The following DECR1 variants were observed in gnomAD, a reference collection of about 807,000 sequenced individuals.
DECR1 encodes the protein 2,4-dienoyl-CoA reductase 1.
Under a neutral mutation model 38.8 loss-of-function variants are expected in DECR1, and 44 were observed. That is an observed-to-expected ratio of 1.13 (90% CI 0.89 to 1.46). The LOEUF is 1.46. Among genes scored for constraint, DECR1 ranks in the 40% most tolerant of loss-of-function variants. DECR1 has a pLI of 0.00. For synonymous variants in DECR1, 148 were observed against 135.2 expected, an observed-to-expected ratio of 1.09 and a Z score of -0.66; for missense variants, 428 against 405.5, an observed-to-expected ratio of 1.06 and a Z score of -0.48.
chr8:90,001,865 C>T (rs1812621528), intron 1 of DECR1, among the ~76,000 whole-genome samples: 5 of 150,876 alleles, frequency 3.3e-5, no homozygotes, highest in Admixed American at 6.6e-5. Context: ...AGAGAGAGGA[C>T]AGGACGTCTC....
chr8:90,010,464 C>G (rs1287975088), intron 1 of DECR1, among the ~76,000 whole-genome samples: 2 of 152,204 alleles, frequency 1.3e-5, no homozygotes, highest in Non-Finnish European at 2.9e-5. Flanking sequence ...AGAATGCACG[C>G]ATGGCCTTCT....
At chr8:90,038,454 C>CTTT (rs759045189) in intron 6 of DECR1, among the ~76,000 whole-genome samples, 75 of 111,714 alleles carry the variant, frequency 6.7e-4, no homozygotes, top group African/African-American at 8.1e-4. Context: ...CATCGCGGGC[C>CTTT]TTTTTTTTTT....
chr8:90,030,347 G>C (rs944084497), intron 5 of DECR1: 1 of 152,176 alleles, frequency 6.6e-6, no homozygotes, highest in Non-Finnish European at 1.5e-5. Flanking sequence ...GTTTCATGTT[G>C]TAAGTCTCCT....
At chr8:90,031,585 T>C (rs931877544) in intron 5 of DECR1, among the ~76,000 whole-genome samples, 1 of 152,172 alleles carries the variant, frequency 6.6e-6, no homozygotes, top group Non-Finnish European at 1.5e-5. Context: ...TAGTCCTATT[T>C]TGAGTAGCTT....
chr8:90,048,986 A>G (rs912022437), intron 8 of DECR1, among the ~76,000 whole-genome samples: 3 of 152,228 alleles, frequency 2.0e-5, no homozygotes, highest in Non-Finnish European at 4.4e-5. Context: ...ACAAAATTCA[A>G]CTGCCCTTCA....
chr8:90,023,864 T>G (rs1302465744), intron 5 of DECR1, among the ~76,000 whole-genome samples: 2 of 151,994 alleles, frequency 1.3e-5, no homozygotes, highest in African/African-American at 4.8e-5. Context: ...CTATCCCTCC[T>G]CTCTCCCCCA....
At chr8:90,027,956 A>G (rs1813395949) in intron 5 of DECR1, among the ~76,000 whole-genome samples, 1 of 152,056 alleles carries the variant, frequency 6.6e-6, no homozygotes, top group Non-Finnish European at 1.5e-5. Flanking sequence ...TCCTAGTTAT[A>G]TATTGCTAGA....
At chr8:90,049,294 A>C (rs544630253) in intron 8 of DECR1, among the ~76,000 whole-genome samples, 2 of 152,346 alleles carry the variant, frequency 1.3e-5, no homozygotes, top group South Asian at 2.1e-4. Flanking sequence ...ATCTCAGCCC[A>C]AAACCTCCTT....
intron 1 of DECR1, among the ~76,000 whole-genome samples, chr8:90,004,128 AC>A (rs1217327157): frequency 6.6e-6 from 1 of 151,718 alleles, no homozygotes; most frequent in Non-Finnish European, 1.5e-5. Context: ...TAACTATCCA[AC>A]CTGATCAACA....
intron 1 of DECR1, among the ~76,000 whole-genome samples, chr8:90,007,530 AGGTG>A (rs1009189836): frequency 9.5e-5 from 14 of 148,110 alleles, no homozygotes; most frequent in Admixed American, 2.7e-4. Flanking sequence ...GGAGTCACCA[AGGTG>A]GGGCAGGGCA....
chr8:90,034,652 A>G (rs960100228), intron 5 of DECR1, among the ~76,000 whole-genome samples: 1 of 151,962 alleles, frequency 6.6e-6, no homozygotes, highest in African/African-American at 2.4e-5. Context: ...GGATTTCACT[A>G]TGTTGGCCAG....
At chr8:90,033,779 G>A (rs976576916) in intron 5 of DECR1, among the ~76,000 whole-genome samples, 9 of 152,144 alleles carry the variant, frequency 5.9e-5, no homozygotes, top group African/African-American at 2.2e-4. Context: ...TAGTAGGATG[G>A]CTTAACTCCT....
intron 8 of DECR1, among the ~76,000 whole-genome samples, chr8:90,047,881 CA>C (rs1374993752): frequency 6.6e-6 from 1 of 152,208 alleles, no homozygotes; most frequent in Non-Finnish European, 1.5e-5. Context: ...TTAAGAAACT[CA>C]CTCAAAACCG....
chr8:90,033,841 A>C (rs1043473754), intron 5 of DECR1, among the ~76,000 whole-genome samples: 1 of 152,158 alleles, frequency 6.6e-6, no homozygotes, highest in Admixed American at 6.6e-5. Context: ...AAGATAGTGC[A>C]CTTTCCATTG....
At chr8:90,038,665 G>A (rs1031530625) in intron 6 of DECR1, among the ~76,000 whole-genome samples, 4 of 151,900 alleles carry the variant, frequency 2.6e-5, no homozygotes, top group African/African-American at 7.3e-5. Flanking sequence ...CTCCATTAAC[G>A]TAACATTAAA....
chr8:90,003,987 C>T (rs1198313783), intron 1 of DECR1, among the ~76,000 whole-genome samples: 1 of 152,048 alleles, frequency 6.6e-6, no homozygotes, highest in Non-Finnish European at 1.5e-5. Context: ...AAATTCATCT[C>T]ATGTAGTAAG....
intron 5 of DECR1, among the ~76,000 whole-genome samples, chr8:90,026,287 C>T (rs1813334904): frequency 6.6e-6 from 1 of 152,164 alleles, no homozygotes. Context: ...GGAATAATTT[C>T]AGAAGGAATG....
chr8:90,041,665 T>TA (rs1424429347), intron 6 of DECR1, among the ~76,000 whole-genome samples: 2 of 152,242 alleles, frequency 1.3e-5, no homozygotes, highest in East Asian at 3.9e-4. Flanking sequence ...TCTTTATGGG[T>TA]ACTGTGGATT....
At chr8:90,035,107 A>G (rs78892571) in intron 5 of DECR1, among the ~76,000 whole-genome samples, 4,099 of 152,076 alleles carry the variant, frequency 0.027, 106 homozygotes, top group South Asian at 0.097. Context: ...GTGTTTGTGT[A>G]TTTTTATTGC....
Sources: allele counts gnomAD v4.1 joint callset (sites outside exome capture counted in the v4.1 genomes callset), GRCh38; gene constraint gnomAD v4.1.1; transcripts MANE v1.5; gene names NCBI Gene and HGNC (gene_info 2026-07-23, HGNC 2026-07-21).